CSPP1: variants seen among roughly 807,000 people sequenced by gnomAD.
The protein encoded by CSPP1 is centrosome and spindle pole-associated protein 1.
Under a neutral mutation model 164.4 loss-of-function variants are expected in CSPP1, and 126 were observed. The ratio of observed to expected loss-of-function variants is 0.77; its 90% CI spans 0.66 to 0.89. The LOEUF is 0.89. CSPP1 is among the 40% of genes least tolerant of loss of function. The pLI is 0.00. For missense variants in CSPP1, 1,395 were observed against 1,449.8 expected, an observed-to-expected ratio of 0.96 and a Z score of 0.61; for synonymous variants, 472 against 476.7, an observed-to-expected ratio of 0.99 and a Z score of 0.13.
intron 17 of CSPP1, among the ~76,000 whole-genome samples, chr8:67,138,509 TG>T (rs1271429700): frequency 1.3e-5 from 2 of 152,228 alleles, no homozygotes; most frequent in Non-Finnish European, 2.9e-5. Context: ...TTTTGAATTG[TG>T]GTTGATTGAA....
At chr8:67,140,467 G>C (rs528255841) in intron 17 of CSPP1, among the ~76,000 whole-genome samples, 2 of 152,156 alleles carry the variant, frequency 1.3e-5, no homozygotes, top group South Asian at 4.2e-4. Flanking sequence ...TTTTCTCACA[G>C]TTTTGAAAGA....
rs1349776822 is a variant in CSPP1, at chr8:67,159,092, T to C, written c.2493T>C (p.Leu831=). The change falls in exon 21 of 31, where the codon CTT becomes CTC. Residue 831 remains leucine, a synonymous_variant. Coordinates refer to ENST00000678616, the MANE Select transcript of CSPP1 (RefSeq NM_001382391.1). ...AAGAAGAAAAATATAACCTGCAACT[T>C]CAGCACTACTGTGAAAGAGACAATT... The part of the protein sequence containing the change: ...KEEEEKYNLQ[L]QHYCERDNLI... 1 of 1,610,116 alleles carries C rather than the reference T, an allele frequency of 6.2e-7. No homozygotes were observed. The highest frequency in any genetic ancestry group is 2.2e-5 in the East Asian group (1 of 44,790).
chr8:67,138,745 G>A (rs1479733122), intron 17 of CSPP1, among the ~76,000 whole-genome samples: 2 of 152,184 alleles, frequency 1.3e-5, no homozygotes, highest in African/African-American at 4.8e-5. Context: ...TAGGTTGCCT[G>A]TTCACTCTGA....
rs960856836 is a variant in CSPP1 at position 67,175,629 on chromosome 8, T to TA, written c.3109+193_3109+194insA. 6.1e-5 allele frequency: 43 copies of TA among 708,486 alleles called. No individual in the cohort carries two copies. In the African/African-American group the frequency reaches 6.5e-4, roughly 11 times the overall value. The allele number at this position is 708,486 out of a possible 1,614,324, so 43.9% of individuals were successfully genotyped here. The stretch of plus-strand genomic sequence containing the variant: ...AGAGCTCTGAGTGGCTCCACTAGGG[T>TA]GGTGTATTCATGCATGAGAGGGGCC... On this transcript the variant is annotated intron_variant, in intron 26 of 30. Transcript: ENST00000678616.
chr8:67,088,382 G>T (rs1318141115), intron 4 of CSPP1, among the ~76,000 whole-genome samples: 1 of 151,652 alleles, frequency 6.6e-6, no homozygotes, highest in Non-Finnish European at 1.5e-5. Context: ...CAGCCTCCTG[G>T]GTTCAAGCGA....
In CSPP1 at chr8:67,195,321, C is replaced by T. The variant is rs560993203; in HGVS notation, c.3470-61C>T. On this transcript the variant is annotated intron_variant, in intron 30 of 30. Coordinates refer to ENST00000678616, the MANE Select transcript of CSPP1 (RefSeq NM_001382391.1). ...AATGAGTTGGACTACAAGAGACCTG[C>T]GCTTATGTCTCCTGCCTGCCACCTG... The T allele has an allele frequency of 2.5e-5, 25 of 998,976 alleles. 1 individual carries two copies. Among genetic ancestry groups the T allele is most frequent in the East Asian group, 1.9e-4 (8 of 42,102 alleles). The allele number at this position is 998,976 out of a possible 1,614,324, so 61.9% of individuals were successfully genotyped here.
chr8:67,135,340 T>C (rs1822038722), intron 16 of CSPP1: 1 of 152,138 alleles, frequency 6.6e-6, no homozygotes, highest in Non-Finnish European at 1.5e-5. Flanking sequence ...TTTTGTATTT[T>C]TAGTAGAGGT....
rs747981488 is a variant in CSPP1, at chr8:67,158,983, T to C, written c.2392-8T>C. On this transcript the variant is annotated splice_region_variant and splice_polypyrimidine_tract_variant and intron_variant, in intron 20 of 30. Transcript: ENST00000678616. ...TATGGAATGCATATTTCTCTTTTTA[T>C]TTTAAAGCAAAGGCTAAAAAATGAA... is the stretch of plus-strand genomic sequence containing the variant. The C allele has an allele frequency of 1.3e-6, 2 of 1,587,616 alleles. No homozygotes were observed. Among genetic ancestry groups the C allele is most frequent in the East Asian group, 4.5e-5 (2 of 44,684 alleles).
chr8:67,099,478 A>G (rs1813577406), intron 7 of CSPP1: 1 of 152,158 alleles, frequency 6.6e-6, no homozygotes, highest in South Asian at 2.1e-4. Flanking sequence ...CCAGGGACAA[A>G]CTGAACCTAA....
chr8:67,130,616 A>C (rs1198311411), intron 15 of CSPP1, among the ~76,000 whole-genome samples: 1 of 152,250 alleles, frequency 6.6e-6, no homozygotes, highest in African/African-American at 2.4e-5. Context: ...ATTGTAAATA[A>C]GTTAGAAAAG....
In CSPP1 at chr8:67,066,998, C is replaced by G. The variant is rs140234441; in HGVS notation, c.-11+2460C>G. Among the ~76,000 whole-genome samples, 118 of 152,272 alleles carry G rather than the reference C, an allele frequency of 7.7e-4. 1 individual carries two copies. The highest frequency in any genetic ancestry group is 2.7e-3 in the African/African-American group (111 of 41,558). On this transcript the variant is annotated intron_variant, in intron 1 of 30. Coordinates refer to ENST00000678616, the MANE Select transcript of CSPP1 (RefSeq NM_001382391.1). ...CTCAAACTCCTGACCTCAAGCGATCCGCCCGTCTTGGCCTCCCAAAGTGCT... is the reference window on the plus strand; with the variant it reads ...CTCAAACTCCTGACCTCAAGCGATCGGCCCGTCTTGGCCTCCCAAAGTGCT...
At chr8:67,172,356 G>T in intron 24 of CSPP1, 60 bp from the exon 25 acceptor site, 1 of 1,360,502 alleles carries the variant, frequency 7.4e-7, no homozygotes. Flanking sequence ...CAGTGAATTA[G>T]ATGTGAACTC....
At chr8:67,164,290 T>C in intron 23 of CSPP1, 101 bp from the exon 24 acceptor site, 1 of 637,128 alleles carries the variant, frequency 1.6e-6, no homozygotes, top group Non-Finnish European at 2.8e-6. Flanking sequence ...AAATTGTCTC[T>C]CTGAGCAGTT....
At chr8:67,133,470 T>A (rs1173413417) in intron 16 of CSPP1, 3 of 152,238 alleles carry the variant, frequency 2.0e-5, no homozygotes, top group Non-Finnish European at 2.9e-5. Flanking sequence ...TGTGGTCTAT[T>A]AAGGTGCAAC....
chr8:67,076,247 G>A (rs1807888560), intron 2 of CSPP1, among the ~76,000 whole-genome samples: 1 of 152,100 alleles, frequency 6.6e-6, no homozygotes, highest in Admixed American at 6.6e-5. Context: ...TTGACAAAAT[G>A]TTTGGCACTT....
chr8:67,118,706 A>C (rs1818403540), intron 14 of CSPP1, 37 bp from the exon 15 acceptor site: 2 of 1,394,248 alleles, frequency 1.4e-6, no homozygotes, highest in Non-Finnish European at 2.0e-6. Flanking sequence ...TGATTATTCT[A>C]AATAAACTTT....
At position 67,117,341 on chromosome 8, in the gene CSPP1, T is replaced by C. The variant is rs550640076; in HGVS notation, c.1497-907T>C. On this transcript the variant is annotated intron_variant, in intron 13 of 30. Coordinates refer to ENST00000678616, the MANE Select transcript of CSPP1 (RefSeq NM_001382391.1). ...GAGAACTTCCGTACCTTCTTAGTTC[T>C]TTGGAATTATTTTGAAGTATATGAC... 3.3e-5 allele frequency among the ~76,000 whole-genome samples: 5 copies of C among 152,308 alleles called. No homozygotes were observed. The South Asian group carries it at 8.3e-4, about 25-fold the overall frequency.
intron 22 of CSPP1, among the ~76,000 whole-genome samples, chr8:67,162,955 G>A (rs1247612414): frequency 6.6e-6 from 1 of 152,194 alleles, no homozygotes; most frequent in Non-Finnish European, 1.5e-5. Flanking sequence ...ACATATTGGT[G>A]CTTGTTAAAT....
At chr8:67,066,382 C>T (rs1231497341) in intron 1 of CSPP1, among the ~76,000 whole-genome samples, 1 of 152,098 alleles carries the variant, frequency 6.6e-6, no homozygotes, top group Admixed American at 6.6e-5. Flanking sequence ...AAACATTGTC[C>T]TGGTCACTTT....
Sources: allele counts gnomAD v4.1 joint callset (sites outside exome capture counted in the v4.1 genomes callset), GRCh38; gene constraint gnomAD v4.1.1; transcripts MANE v1.5; gene names NCBI Gene and HGNC (gene_info 2026-07-23, HGNC 2026-07-21).